ATRNL1: variants seen among roughly 807,000 people sequenced by gnomAD.
ATRNL1 encodes attractin like 1, also known as attractin-like protein 1.
In ATRNL1, 95 loss-of-function variants were observed where a neutral mutation model predicts 182.7. The ratio of observed to expected loss-of-function variants is 0.52; its 90% confidence interval spans 0.44 to 0.62. The LOEUF (loss-of-function observed/expected upper bound fraction) is 0.62, where lower values mean the gene tolerates loss of function less well. Among genes scored for constraint, ATRNL1 ranks in the 20% least tolerant of loss-of-function variants. The pLI is 0.00. For synonymous variants in ATRNL1, 576 were observed against 568.3 expected, an observed-to-expected ratio of 1.01 and a Z score of -0.19; for missense variants, 1,471 against 1,679.5, an observed-to-expected ratio of 0.88 and a Z score of 2.17.
At chr10:115,302,142 A>G in intron 17 of ATRNL1, 99 bp downstream of exon 17, 1 of 1,166,792 alleles carries the variant, frequency 8.6e-7, no homozygotes, top group South Asian at 1.7e-5. Context: ...GTTTCAAAAA[A>G]TGAGAAAAAA....
chr10:115,095,375 T>TAA, intron 1 of ATRNL1, among the ~76,000 whole-genome samples: 1 of 124,882 alleles, frequency 8.0e-6, no homozygotes, highest in Middle Eastern at 4.3e-3. Context: ...TTTTTTTTTT[T>TAA]AAAAAAAAAC....
intron 19 of ATRNL1, among the ~76,000 whole-genome samples, chr10:115,352,049 G>A (rs1186952020): frequency 4.6e-5 from 7 of 152,088 alleles, no homozygotes; most frequent in African/African-American, 1.2e-4. Context: ...TTGGTAGTTT[G>A]TATGTATTTA....
chr10:115,198,556 G>A (rs1054453062), intron 8 of ATRNL1, among the ~76,000 whole-genome samples: 5 of 151,942 alleles, frequency 3.3e-5, no homozygotes, highest in African/African-American at 9.7e-5. Context: ...CTGTGCTTTT[G>A]GCATCATATC....
chr10:115,812,548 C>G (rs1555087297), intron 27 of ATRNL1, among the ~76,000 whole-genome samples: 1 of 152,190 alleles, frequency 6.6e-6, no homozygotes, highest in African/African-American at 2.4e-5. Context: ...ACGATCTCGG[C>G]TCACTGCAGT....
intron 10 of ATRNL1, among the ~76,000 whole-genome samples, chr10:115,250,242 C>T (rs1036398362): frequency 6.6e-6 from 1 of 152,174 alleles, no homozygotes; most frequent in East Asian, 1.9e-4. Context: ...TGCAAACTCT[C>T]AACACATAGT....
rs57237450 is a variant in ATRNL1, at chr10:115,445,506, CGTGTGTGTGTGTGT to C, written c.3323-16402_3323-16389del. ...CTACTCTGTAAATAACTCATTTGTC[CGTGTGTGTGTGTGT>C]GTGTGTGTGTGTGTGTGTGTGTGTG... On this transcript the variant is annotated intron_variant, in intron 21 of 28. Transcript: ENST00000355044. 2.3e-3 allele frequency among the ~76,000 whole-genome samples: 276 copies of C among 119,266 alleles called. 3 individuals are homozygous for C. Among genetic ancestry groups the C allele is most frequent in the African/African-American group, 7.9e-3 (256 of 32,288 alleles). 78.2% of individuals were successfully genotyped at this position (119,266 alleles called of 152,430 possible).
At chr10:115,547,855 G>A (rs1852757299) in intron 25 of ATRNL1, among the ~76,000 whole-genome samples, 1 of 152,258 alleles carries the variant, frequency 6.6e-6, no homozygotes, top group Middle Eastern at 3.4e-3. Flanking sequence ...TCTGAGAAAA[G>A]TGTCCCCTAA....
intron 28 of ATRNL1, among the ~76,000 whole-genome samples, chr10:115,922,393 C>A (rs562210587): frequency 3.2e-4 from 48 of 152,128 alleles, no homozygotes; most frequent in African/African-American, 1.1e-3. Flanking sequence ...ATAATAAAAT[C>A]CTTTCATATA....
chr10:115,675,789 A>G (rs1555042774), intron 26 of ATRNL1, among the ~76,000 whole-genome samples: 1 of 152,084 alleles, frequency 6.6e-6, no homozygotes, highest in African/African-American at 2.4e-5. Context: ...TACATACTTT[A>G]CATATATTCA....
chr10:115,369,709 C>CT (rs1384858271), intron 19 of ATRNL1, among the ~76,000 whole-genome samples: 6 of 152,214 alleles, frequency 3.9e-5, no homozygotes, highest in African/African-American at 1.4e-4. Context: ...CAAAGGTTCC[C>CT]TTTTTTTCCA....
chr10:115,771,037 G>A (rs372004827), intron 27 of ATRNL1, among the ~76,000 whole-genome samples: 2 of 151,966 alleles, frequency 1.3e-5, no homozygotes, highest in African/African-American at 2.4e-5. Flanking sequence ...TTTTGAGGAC[G>A]TCAAATGTAG....
At chr10:115,491,541 C>T (rs1428114399) in intron 24 of ATRNL1, among the ~76,000 whole-genome samples, 1 of 152,076 alleles carries the variant, frequency 6.6e-6, no homozygotes, top group African/African-American at 2.4e-5. Context: ...GCTTTGTTTA[C>T]ACTGTGAGGG....
At chr10:115,223,929 A>ATATATATATATTTTTTTTT (rs1420143943) in intron 9 of ATRNL1, among the ~76,000 whole-genome samples, 11 of 44,732 alleles carry the variant, frequency 2.5e-4, no homozygotes, top group African/African-American at 5.5e-4. Context: ...ATATATATAT[A>ATATATATATATTTTTTTTT]TTTTTTTTTT....
intron 26 of ATRNL1, among the ~76,000 whole-genome samples, chr10:115,696,866 A>G (rs1946576009): frequency 7.3e-6 from 1 of 137,546 alleles, no homozygotes; most frequent in Non-Finnish European, 1.5e-5. Flanking sequence ...ATCACATATC[A>G]GAGCGAGAGA....
chr10:115,884,685 G>T (rs1163091288), intron 28 of ATRNL1, among the ~76,000 whole-genome samples: 1 of 152,164 alleles, frequency 6.6e-6, no homozygotes, highest in African/African-American at 2.4e-5. Context: ...CCGAAGAGAG[G>T]TTCTATTTGA....
chr10:115,305,709 G>T (rs1272737375), intron 17 of ATRNL1, among the ~76,000 whole-genome samples: 1 of 152,082 alleles, frequency 6.6e-6, no homozygotes, highest in East Asian at 1.9e-4. Context: ...CTACATTTAG[G>T]TATAAAGTTA....
At chr10:115,824,879 C>T (rs1555091509) in intron 27 of ATRNL1, among the ~76,000 whole-genome samples, 2 of 151,926 alleles carry the variant, frequency 1.3e-5, no homozygotes, top group African/African-American at 2.4e-5. Flanking sequence ...AATCAGCAAT[C>T]TCATTACTGG....
intron 20 of ATRNL1, among the ~76,000 whole-genome samples, chr10:115,402,788 C>A (rs1554957277): frequency 6.6e-6 from 1 of 152,072 alleles, no homozygotes; most frequent in African/African-American, 2.4e-5. Context: ...TATACCTTTC[C>A]CATTTACTGA....
chr10:115,443,698 G>C (rs1037813253), intron 21 of ATRNL1, among the ~76,000 whole-genome samples: 2 of 151,768 alleles, frequency 1.3e-5, no homozygotes, highest in African/African-American at 4.8e-5. Flanking sequence ...TTATGGATAC[G>C]CATGTTTCTT....
Sources: allele counts gnomAD v4.1 joint callset (sites outside exome capture counted in the v4.1 genomes callset), GRCh38; gene constraint gnomAD v4.1.1; transcripts MANE v1.5; gene names NCBI Gene and HGNC (gene_info 2026-07-23, HGNC 2026-07-21).